LRRC4C: variants seen among roughly 807,000 people sequenced by gnomAD.
LRRC4C encodes the protein leucine rich repeat containing 4C.
Under a neutral mutation model 33.6 loss-of-function variants are expected in LRRC4C, and 5 were observed. The ratio of observed to expected loss-of-function variants is 0.15; its 90% CI spans 0.08 to 0.31. The LOEUF is 0.31. LRRC4C is among the 10% of genes least tolerant of loss of function. The pLI is 1.00. For missense variants in LRRC4C, 560 were observed against 796.7 expected, an observed-to-expected ratio of 0.70 and a Z score of 3.58; for synonymous variants, 329 against 302.0, an observed-to-expected ratio of 1.09 and a Z score of -0.93.
chr11:40,223,320 A>T (rs1299460170), intron 5 of LRRC4C, among the ~76,000 whole-genome samples: 4 of 152,180 alleles, frequency 2.6e-5, no homozygotes, highest in Admixed American at 2.0e-4. Flanking sequence ...GAGAAAGGAC[A>T]CTAGAACTTA....
intron 1 of LRRC4C, among the ~76,000 whole-genome samples, chr11:41,024,897 G>A (rs1350115786): frequency 6.6e-6 from 1 of 151,362 alleles, no homozygotes; most frequent in Non-Finnish European, 1.5e-5. Flanking sequence ...TCACATTTTA[G>A]TAATTTTCAC....
chr11:40,454,451 G>A (rs1952041052), intron 3 of LRRC4C, among the ~76,000 whole-genome samples: 1 of 151,288 alleles, frequency 6.6e-6, no homozygotes, highest in Non-Finnish European at 1.5e-5. Flanking sequence ...TGACATCTTC[G>A]AAGTGCTGAG....
intron 2 of LRRC4C, among the ~76,000 whole-genome samples, chr11:40,679,039 A>C (rs1379573533): frequency 1.3e-5 from 2 of 152,188 alleles, no homozygotes; most frequent in East Asian, 3.9e-4. Flanking sequence ...TGATATGAAC[A>C]ATAAGTTCCA....
At chr11:41,176,180 T>G (rs566395731) in intron 1 of LRRC4C, among the ~76,000 whole-genome samples, 1 of 152,190 alleles carries the variant, frequency 6.6e-6, no homozygotes, top group Non-Finnish European at 1.5e-5. Flanking sequence ...AATTAAACAT[T>G]TATTGAATAA....
At chr11:40,565,819 T>A (rs941469947) in intron 3 of LRRC4C, among the ~76,000 whole-genome samples, 15 of 152,250 alleles carry the variant, frequency 9.9e-5, no homozygotes, top group South Asian at 6.2e-4. Context: ...TATAAAAAGC[T>A]TTTGCTTTGT....
At chr11:41,006,089 T>A (rs1434258715) in intron 1 of LRRC4C, among the ~76,000 whole-genome samples, 1 of 152,188 alleles carries the variant, frequency 6.6e-6, no homozygotes, top group Non-Finnish European at 1.5e-5. Context: ...TTTCAACATA[T>A]GTTTCACACA....
At chr11:41,223,766 AC>A (rs1318500236) in intron 1 of LRRC4C, among the ~76,000 whole-genome samples, 1 of 152,184 alleles carries the variant, frequency 6.6e-6, no homozygotes, top group Non-Finnish European at 1.5e-5. Context: ...TTAGACATGA[AC>A]CCATTGACTC....
intron 1 of LRRC4C, among the ~76,000 whole-genome samples, chr11:41,298,959 A>G (rs951603459): frequency 2.6e-5 from 4 of 152,298 alleles, no homozygotes; most frequent in African/African-American, 9.6e-5. Context: ...ATGTTGCTGC[A>G]AAAGACATGT....
chr11:41,412,621 G>C (rs1380754418), intron 1 of LRRC4C, among the ~76,000 whole-genome samples: 1 of 152,098 alleles, frequency 6.6e-6, no homozygotes, highest in African/African-American at 2.4e-5. Context: ...TCAACAAAAG[G>C]CATGTGACCC....
intron 4 of LRRC4C, among the ~76,000 whole-genome samples, chr11:40,282,923 C>A (rs1476191333): frequency 6.6e-6 from 1 of 152,204 alleles, no homozygotes; most frequent in Non-Finnish European, 1.5e-5. Flanking sequence ...AATGAAGGTA[C>A]TTTTATTAGG....
chr11:40,852,700 G>A (rs1953569688), intron 2 of LRRC4C, among the ~76,000 whole-genome samples: 2 of 152,068 alleles, frequency 1.3e-5, no homozygotes, highest in Admixed American at 1.3e-4. Context: ...TTTACAAGCT[G>A]TCAACAACCA....
chr11:40,285,881 C>A (rs2136502988), intron 4 of LRRC4C, among the ~76,000 whole-genome samples: 1 of 152,250 alleles, frequency 6.6e-6, no homozygotes, highest in South Asian at 2.1e-4. Context: ...ATACGCAGTT[C>A]CTATTCCCAG....
chr11:40,277,852 T>C (rs1302448165), intron 4 of LRRC4C, among the ~76,000 whole-genome samples: 1 of 152,174 alleles, frequency 6.6e-6, no homozygotes, highest in African/African-American at 2.4e-5. Flanking sequence ...CTGATTTTTT[T>C]GTATTGTGGT....
intron 3 of LRRC4C, among the ~76,000 whole-genome samples, chr11:40,560,344 A>G (rs1031875708): frequency 6.6e-6 from 1 of 152,176 alleles, no homozygotes; most frequent in African/African-American, 2.4e-5. Flanking sequence ...CTTTGGTTCC[A>G]AATATATTAA....
chr11:40,508,365 T>C (rs575312154), intron 3 of LRRC4C, among the ~76,000 whole-genome samples: 1 of 152,204 alleles, frequency 6.6e-6, no homozygotes, highest in South Asian at 2.1e-4. Context: ...AAAACAGAGG[T>C]AGACAGAAGG....
intron 2 of LRRC4C, among the ~76,000 whole-genome samples, chr11:40,764,944 C>G (rs1949382249): frequency 6.6e-6 from 1 of 152,090 alleles, no homozygotes; most frequent in South Asian, 2.1e-4. Context: ...ACACTCAATT[C>G]CATTTGAATT....
chr11:40,229,384 T>C (rs1865038434), intron 5 of LRRC4C, among the ~76,000 whole-genome samples: 1 of 152,142 alleles, frequency 6.6e-6, no homozygotes, highest in Non-Finnish European at 1.5e-5. Context: ...GCAATTCTCC[T>C]GCCTCAGCCT....
At chr11:40,202,949 T>C (rs370283319) in intron 5 of LRRC4C, among the ~76,000 whole-genome samples, 3 of 152,196 alleles carry the variant, frequency 2.0e-5, no homozygotes, top group Admixed American at 2.0e-4. Flanking sequence ...ACTTCAAATA[T>C]TAATTATAAA....
chr11:40,839,068 T>C (rs925045426), intron 2 of LRRC4C, among the ~76,000 whole-genome samples: 1 of 152,150 alleles, frequency 6.6e-6, no homozygotes, highest in Admixed American at 6.5e-5. Flanking sequence ...TCATGTAATA[T>C]GTTTTTCAGC....
Sources: gnomAD v4.1 joint callset for allele counts (sites outside exome capture counted in the v4.1 genomes callset) on GRCh38, gnomAD v4.1.1 for gene constraint, MANE v1.5 for transcripts, NCBI Gene and HGNC (gene_info 2026-07-23, HGNC 2026-07-21) for gene names.